The following SERINC5 variants were observed in gnomAD, a reference collection of about 807,000 sequenced individuals.
The protein encoded by SERINC5 is chromosome 5 open reading frame 12.
A neutral mutation model predicts 63.1 loss-of-function variants in SERINC5; 41 were observed. The ratio of observed to expected loss-of-function variants is 0.65; its 90% CI spans 0.51 to 0.84. SERINC5 has a LOEUF of 0.84. Ranked by LOEUF, SERINC5 falls within the 40% of genes least tolerant of loss-of-function variation. The probability of loss-of-function intolerance (pLI) is 0.00; values close to 1 mark genes in which losing one functional copy is unlikely to be tolerated. For missense variants in SERINC5, 523 were observed against 573.0 expected (o/e 0.91, Z 0.89); for synonymous variants, 222 against 215.2 (o/e 1.03, Z -0.28).
intron 2 of SERINC5, among the ~76,000 whole-genome samples, chr5:80,181,427 T>TGTGTGTGTGTGTGTGTGTGTGTGTGTGG: frequency 6.6e-6 from 1 of 151,010 alleles, no homozygotes; most frequent in East Asian, 2.0e-4. Context: ...TGTGTGTGTG[T>TGTGTGTGTGTGTGTGTGTGTGTGTGTGG]GTGTGTGTGT....
chr5:80,214,819 C>T (rs1460020846), intron 1 of SERINC5, among the ~76,000 whole-genome samples: 1 of 152,152 alleles, frequency 6.6e-6, no homozygotes, highest in African/African-American at 2.4e-5. Context: ...ATTGCTTAAA[C>T]CCAGGAGGCA....
chr5:80,247,638 A>G (rs1013529253), intron 1 of SERINC5, among the ~76,000 whole-genome samples: 1 of 152,176 alleles, frequency 6.6e-6, no homozygotes, highest in African/African-American at 2.4e-5. Context: ...AAGGTAAGTG[A>G]CAGAGGATTA....
At position 80,123,262 on chromosome 5, in the gene SERINC5, A is replaced by AT. The variant is rs948288934; in HGVS notation, c.1239-9638dup. Among the ~76,000 whole-genome samples, 23 of 152,058 alleles carry AT rather than the reference A, an allele frequency of 1.5e-4. 1 individual carries two copies. The highest frequency in any genetic ancestry group is 5.3e-4 in the African/African-American group (22 of 41,394). The stretch of plus-strand genomic sequence containing the variant: ...AGGCACATGCCACCATACTTGGCTG[A>AT]TTTTTTTAAAAAAATTATTTTTTAT... On this transcript the variant is annotated intron_variant, in intron 11 of 12. Transcript: ENST00000509193.
chr5:80,177,858 C>A, intron 3 of SERINC5, 28 bp downstream of exon 3: 5 of 1,562,526 alleles, frequency 3.2e-6, no homozygotes, highest in Non-Finnish European at 4.3e-6. Flanking sequence ...AAGGAGAAAG[C>A]AATCCCCAAG....
intron 1 of SERINC5, among the ~76,000 whole-genome samples, chr5:80,208,841 G>A (rs1478686905): frequency 3.3e-5 from 5 of 152,136 alleles, no homozygotes; most frequent in Admixed American, 2.6e-4. Context: ...AATGAATTAC[G>A]ACCTATACAA....
rs572157827 is a variant in SERINC5 at position 80,183,536 on chromosome 5, C to T, written c.196-5472G>A. 1.7e-4 allele frequency among the ~76,000 whole-genome samples: 26 copies of T among 152,272 alleles called. 1 individual carries two copies. Among genetic ancestry groups the T allele is most frequent in the African/African-American group, 6.0e-4 (25 of 41,542 alleles). ...ACTTGCACGTATACGCCCAGATGGC[C>T]TGAAGTAACTGAAGAATCACAAAAG... On this transcript the variant is annotated intron_variant, in intron 2 of 11. Transcript: ENST00000507668.
Position 80,177,902 on chromosome 5 carries a change from C to A in SERINC5, c.358G>T (p.Ala120Ser), listed in dbSNP as rs1209936678. ...LKINNSKSCR[A>S]HIHNGFWFFK... ...AATACTTACCCATTGTGAATATGAG[C>A]TCTACAACTTTTGCTGTTGTTGATT... The change falls in exon 3 of 12, where the codon GCT becomes TCT. Residue 120 changes from alanine to serine, a missense_variant. Ala to Ser is a moderately conservative substitution (Grantham distance 99). Transcript: ENST00000507668. 6.2e-7 allele frequency: 1 copy of A among 1,609,514 alleles called. No homozygotes were observed. Among genetic ancestry groups the A allele is most frequent in the Non-Finnish European group, 8.5e-7 (1 of 1,178,312 alleles).
At chr5:80,159,134 T>C (rs1746726924) in intron 7 of SERINC5, among the ~76,000 whole-genome samples, 172 bp from the exon 8 acceptor site, 1 of 152,242 alleles carries the variant, frequency 6.6e-6, no homozygotes, top group African/African-American at 2.4e-5. Context: ...ACTGGATTTC[T>C]GCTCTTTCAA....
intron 2 of SERINC5, among the ~76,000 whole-genome samples, chr5:80,200,441 G>A (rs530816878): frequency 1.3e-5 from 2 of 151,178 alleles, no homozygotes; most frequent in African/African-American, 2.4e-5. Context: ...AGCCGAGATC[G>A]CACCACTGCG....
chr5:80,254,700 T>G (rs928788954), intron 1 of SERINC5, among the ~76,000 whole-genome samples: 18 of 152,128 alleles, frequency 1.2e-4, no homozygotes, highest in African/African-American at 4.3e-4. Flanking sequence ...TCTCTTTCTC[T>G]CTCTGCCTGA....
chr5:80,142,566 T>TCA lies in SERINC5; in HGVS notation c.*1095_*1096dup. 1.0e-6 allele frequency: 1 copy of TCA among 985,326 alleles called. No homozygotes were observed. The highest frequency in any genetic ancestry group is 1.2e-6 in the Non-Finnish European group (1 of 829,850). The allele number at this position is 985,326 out of a possible 1,614,324, so 61.0% of individuals were successfully genotyped here. On this transcript the variant is annotated 3_prime_UTR_variant, in exon 12 of 12. Transcript: ENST00000507668. ...CTTCTGGTCAGTGTGTCTGAGATCC[T>TCA]CACCTCAGAAATTCTCACATTAGCA... is the stretch of plus-strand genomic sequence containing the variant.
chr5:80,187,059 A>G (rs6453506), intron 2 of SERINC5, among the ~76,000 whole-genome samples: 2,839 of 152,124 alleles, frequency 0.019, 95 homozygotes, highest in African/African-American at 0.065. Context: ...CCAAGTACTC[A>G]GGAGGCTGAG....
intron 11 of SERINC5, among the ~76,000 whole-genome samples, chr5:80,115,266 A>G (rs1351497646): frequency 6.6e-6 from 1 of 152,054 alleles, no homozygotes; most frequent in South Asian, 2.1e-4. Flanking sequence ...GGCACACGGT[A>G]TAGCTCAAAT....
intron 10 of SERINC5, 65 bp downstream of exon 10, chr5:80,147,180 C>T: frequency 7.0e-7 from 1 of 1,426,308 alleles, no homozygotes; most frequent in Non-Finnish European, 9.7e-7. Flanking sequence ...TCCCAAATGA[C>T]TACAGATTAG....
chr5:80,191,201 T>C (rs1200587092), intron 2 of SERINC5, among the ~76,000 whole-genome samples: 2 of 152,168 alleles, frequency 1.3e-5, no homozygotes, highest in Non-Finnish European at 2.9e-5. Flanking sequence ...TTCTGCTTTT[T>C]TTCAAGCCTT....
chr5:80,126,921 T>C (rs1304073348), intron 11 of SERINC5, among the ~76,000 whole-genome samples: 6 of 152,190 alleles, frequency 3.9e-5, no homozygotes, highest in Admixed American at 1.3e-4. Context: ...TAAAAATTGT[T>C]AATTTGTCTA....
chr5:80,137,302 T>C (rs1745243780), downstream of SERINC5, among the ~76,000 whole-genome samples: 1 of 152,068 alleles, frequency 6.6e-6, no homozygotes, highest in African/African-American at 2.4e-5. Context: ...GCATTATTCA[T>C]AATGGCCAAG....
chr5:80,182,436 C>T (rs956696094), intron 2 of SERINC5, among the ~76,000 whole-genome samples: 2 of 151,480 alleles, frequency 1.3e-5, no homozygotes, highest in Non-Finnish European at 2.9e-5. Flanking sequence ...ATTCACCATA[C>T]ATTTCTTCCC....
At chr5:80,253,808 T>C (rs1752529350) in intron 1 of SERINC5, among the ~76,000 whole-genome samples, 1 of 152,198 alleles carries the variant, frequency 6.6e-6, no homozygotes, top group Admixed American at 6.5e-5. Flanking sequence ...AGATAGGCCA[T>C]TGAGAGCAGA....
Sources: allele counts gnomAD v4.1 joint callset (sites outside exome capture counted in the v4.1 genomes callset), GRCh38; gene constraint gnomAD v4.1.1; transcripts MANE v1.5; gene names NCBI Gene and HGNC (gene_info 2026-07-23, HGNC 2026-07-21).